Variants in CTDSPL2 observed in about 807,000 individuals in gnomAD.
CTDSPL2 encodes the protein CTD small phosphatase-like protein 2.
CTDSPL2 carries 5 observed loss-of-function variants against 60.0 expected under a neutral mutation model. The ratio of observed to expected loss-of-function variants is 0.08; its 90% CI spans 0.04 to 0.18. The LOEUF is 0.18. CTDSPL2 is among the 10% of genes least tolerant of loss of function. The pLI is 1.00. For synonymous variants in CTDSPL2, 186 were observed against 189.3 expected (o/e 0.98, Z 0.14); for missense variants, 370 against 548.8 (o/e 0.67, Z 3.26).
intron 1 of CTDSPL2, among the ~76,000 whole-genome samples, chr15:44,438,377 A>G (rs1321962818): frequency 1.3e-5 from 2 of 152,110 alleles, no homozygotes; most frequent in Non-Finnish European, 2.9e-5. Flanking sequence ...AAGGCAGTTG[A>G]TGGGAAACCT....
chr15:44,468,353 T>C (rs1347348099), intron 2 of CTDSPL2, among the ~76,000 whole-genome samples: 1 of 151,056 alleles, frequency 6.6e-6, no homozygotes, highest in Non-Finnish European at 1.5e-5. Context: ...ATACTGTCTA[T>C]AGAATTTGTA....
At chr15:44,504,686 T>C (rs1451327989) in intron 8 of CTDSPL2, among the ~76,000 whole-genome samples, 1 of 149,100 alleles carries the variant, frequency 6.7e-6, no homozygotes, top group Admixed American at 6.7e-5. Context: ...CTGGGCAAGA[T>C]AGTGTGAGAT....
chr15:44,499,278 G>A (rs1200805755), intron 7 of CTDSPL2, among the ~76,000 whole-genome samples: 1 of 152,076 alleles, frequency 6.6e-6, no homozygotes, highest in Non-Finnish European at 1.5e-5. Context: ...GATTGCTGGC[G>A]CCTGTAATCC....
intron 5 of CTDSPL2, 31 bp downstream of exon 5, chr15:44,491,030 C>T (rs746147823): frequency 6.8e-7 from 1 of 1,479,570 alleles, no homozygotes; most frequent in South Asian, 1.1e-5. Context: ...TATACATCTT[C>T]ATGAGTAGTT....
Position 44,526,770 on chromosome 15 carries a change from T to A in CTDSPL2, c.*2596T>A, listed in dbSNP as rs2081881724. ...TAATCGGAGGTGTGTATTTTTTAAA[T>A]TGAAATGTGCCCAGCCCCTTCAGCT... On this transcript the variant is annotated 3_prime_UTR_variant, in exon 13 of 13. Transcript: ENST00000260327. 6.6e-6 allele frequency: 1 copy of A among 152,162 alleles called. No individual in the cohort carries two copies. Among genetic ancestry groups the A allele is most frequent in the African/African-American group, 2.4e-5 (1 of 41,434 alleles). 9.4% of individuals were successfully genotyped at this position (152,162 alleles called of 1,614,324 possible).
At chr15:44,519,517 G>C (rs1219604949) in intron 11 of CTDSPL2, 1 of 379,856 alleles carries the variant, frequency 2.6e-6, no homozygotes, top group East Asian at 5.4e-5. Context: ...ACCTGAGTAA[G>C]AAAACTATAA....
chr15:44,436,721 G>A (rs2079988693), intron 1 of CTDSPL2, among the ~76,000 whole-genome samples: 1 of 152,106 alleles, frequency 6.6e-6, no homozygotes, highest in Non-Finnish European at 1.5e-5. Flanking sequence ...ATAGCCAACT[G>A]TAAATATACA....
chr15:44,475,966 T>A (rs1268037056), intron 2 of CTDSPL2, among the ~76,000 whole-genome samples: 5 of 152,244 alleles, frequency 3.3e-5, no homozygotes, highest in Admixed American at 3.3e-4. Context: ...AATCCTGATA[T>A]GTCAGTTTCT....
chr15:44,438,003 G>T (rs962429572), intron 1 of CTDSPL2, among the ~76,000 whole-genome samples: 2 of 152,178 alleles, frequency 1.3e-5, no homozygotes, highest in African/African-American at 4.8e-5. Flanking sequence ...AGTGGCTCAC[G>T]CCTGTAATCC....
At chr15:44,465,911 C>T (rs2080677396) in intron 2 of CTDSPL2, among the ~76,000 whole-genome samples, 1 of 148,576 alleles carries the variant, frequency 6.7e-6, no homozygotes, top group Non-Finnish European at 1.5e-5. Flanking sequence ...GACAGGGTTT[C>T]ACCATATTGG....
intron 2 of CTDSPL2, among the ~76,000 whole-genome samples, chr15:44,479,407 CT>C (rs11414036): frequency 0.034 from 3,321 of 97,824 alleles, 18 homozygotes; most frequent in South Asian, 0.05. Flanking sequence ...ATTTTCTTTC[CT>C]TTTTTTTTTT....
intron 2 of CTDSPL2, among the ~76,000 whole-genome samples, chr15:44,468,273 G>C (rs2080736562): frequency 6.6e-6 from 1 of 151,900 alleles, no homozygotes; most frequent in South Asian, 2.1e-4. Context: ...TCTTGTTTTA[G>C]TCATACATGT....
At chr15:44,514,710 AG>A (rs113472285) in intron 9 of CTDSPL2, 50 bp downstream of exon 9, 6 of 1,502,990 alleles carry the variant, frequency 4.0e-6, no homozygotes, top group African/African-American at 2.8e-5. Context: ...TATTCAATAT[AG>A]TACCCATATT....
chr15:44,497,922 A>T (rs958350797), intron 7 of CTDSPL2, among the ~76,000 whole-genome samples: 1 of 152,100 alleles, frequency 6.6e-6, no homozygotes, highest in East Asian at 1.9e-4. Flanking sequence ...ACTAGAACCC[A>T]GGAGACGGAG....
chr15:44,499,319 C>T (rs2081351227), intron 7 of CTDSPL2, among the ~76,000 whole-genome samples: 2 of 152,066 alleles, frequency 1.3e-5, no homozygotes. Flanking sequence ...GCAGGAGAAT[C>T]GTTTGAACCC....
At chr15:44,494,314 A>T (rs1252452582) in intron 5 of CTDSPL2, among the ~76,000 whole-genome samples, 2 of 152,182 alleles carry the variant, frequency 1.3e-5, no homozygotes, top group East Asian at 3.8e-4. Flanking sequence ...TAAAATAGTA[A>T]GTCTTCTAAG....
At position 44,486,554 on chromosome 15, in the gene CTDSPL2, C is replaced by A; in HGVS notation, c.329C>A (p.Ala110Asp). The A allele has an allele frequency of 6.5e-7, 1 of 1,536,010 alleles. No individual in the cohort carries two copies. Among genetic ancestry groups the A allele is most frequent in the Non-Finnish European group, 8.7e-7 (1 of 1,146,142 alleles). Reference protein sequence around the residue: ...VRRKSQVNGEAGSYEMTNQHV... With the variant: ...VRRKSQVNGEDGSYEMTNQHV... The stretch of plus-strand genomic sequence containing the variant: ...TTTTTTCTTGTTTCTTTTTTAGAAG[C>A]TGGTAGTTATGAAATGACAAATCAA... Residue 110 changes from alanine to aspartate, a missense_variant, in exon 4 of 13, where the codon GCT (alanine) becomes GAT (aspartate). Coordinates refer to ENST00000260327, the MANE Select transcript of CTDSPL2 (RefSeq NM_016396.3).
intron 10 of CTDSPL2, among the ~76,000 whole-genome samples, chr15:44,515,182 C>T (rs1008068529): frequency 3.9e-5 from 6 of 152,038 alleles, no homozygotes; most frequent in African/African-American, 1.4e-4. Context: ...TGAGGTAATG[C>T]ATGTTAATTT....
chr15:44,508,209 A>C (rs2081505181), intron 8 of CTDSPL2, among the ~76,000 whole-genome samples: 1 of 151,914 alleles, frequency 6.6e-6, no homozygotes, highest in African/African-American at 2.4e-5. Context: ...CAGCCCCCTG[A>C]GTAGCCGGGA....
Sources: allele counts gnomAD v4.1 joint callset (sites outside exome capture counted in the v4.1 genomes callset), GRCh38; gene constraint gnomAD v4.1.1; transcripts MANE v1.5; gene names NCBI Gene and HGNC (gene_info 2026-07-23, HGNC 2026-07-21).